CHRNB4: variants seen among roughly 807,000 people sequenced by gnomAD.
CHRNB4 encodes the protein cholinergic receptor nicotinic beta 4 subunit.
In CHRNB4, 23 loss-of-function variants were observed where a neutral mutation model predicts 40.4. The observed-to-expected ratio is 0.57, with a 90% CI of 0.41 to 0.81. The LOEUF (loss-of-function observed/expected upper bound fraction) is 0.81. CHRNB4 is among the 30% of genes least tolerant of loss of function. CHRNB4 has a pLI of 0.00. For synonymous variants in CHRNB4, 285 were observed against 274.4 expected (o/e 1.04, Z -0.38); for missense variants, 568 against 670.6 (o/e 0.85, Z 1.69).
At chr15:78,654,593 C>T (rs530527812) in intron 5 of CHRNB4, among the ~76,000 whole-genome samples, 6 of 152,206 alleles carry the variant, frequency 3.9e-5, no homozygotes, top group Non-Finnish European at 5.9e-5. Flanking sequence ...GAGTATCTTC[C>T]GTGTACGTGC....
At chr15:78,647,861 C>CAAAAAAA (rs146991423) in intron 7 of CHRNB4, among the ~76,000 whole-genome samples, 6 of 39,118 alleles carry the variant, frequency 1.5e-4, no homozygotes, top group East Asian at 8.2e-4. Context: ...GACTCCATCT[C>CAAAAAAA]AAAAAAAAAA....
chr15:78,629,951 C>T lies in CHRNB4; in HGVS notation c.360-6G>A. ...CCTCATAGGTCCCGTCGGCGCTGGG[C>T]AGGGTCAGGGCATGGAGAACATCGT... is the stretch of plus-strand genomic sequence containing the variant. On this transcript the variant is annotated splice_region_variant and splice_polypyrimidine_tract_variant and intron_variant, in intron 4 of 5. Coordinates refer to ENST00000261751, the MANE Select transcript of CHRNB4 (RefSeq NM_000750.5). This position sits in a 1 kb window ranked among gnomAD's most constrained non-coding sequence, Gnocchi z 6.8. 6.4e-7 allele frequency: 1 copy of T among 1,559,426 alleles called. No individual in the cohort carries two copies. The highest frequency in any genetic ancestry group is 8.6e-7 in the Non-Finnish European group (1 of 1,157,514).
intron 5 of CHRNB4, chr15:78,655,399 G>A (rs1030737416): frequency 2.9e-5 from 4 of 138,874 alleles, no homozygotes; most frequent in African/African-American, 3.2e-5. Context: ...GTATATATAC[G>A]TTACATATCT....
chr15:78,639,504 C>T (rs564142262), intron 1 of CHRNB4, among the ~76,000 whole-genome samples: 4 of 152,064 alleles, frequency 2.6e-5, no homozygotes, highest in Non-Finnish European at 4.4e-5. Context: ...TTCACCACAT[C>T]AGCCAGGATG....
intron 7 of CHRNB4, among the ~76,000 whole-genome samples, chr15:78,648,553 A>T (rs1476690531): frequency 6.6e-6 from 1 of 151,728 alleles, no homozygotes; most frequent in African/African-American, 2.4e-5. Context: ...CAAGAGTTCG[A>T]GACCAGCCTG....
chr15:78,651,692 T>C lies in CHRNB4; in HGVS notation c.-16+886A>G, dbSNP rs80263949. 0.011 allele frequency among the ~76,000 whole-genome samples: 1,662 copies of C among 152,286 alleles called. 218 individuals carry two copies. The East Asian group carries it at 0.29, about 26-fold the overall frequency. On this transcript the variant is annotated intron_variant and NMD_transcript_variant, in intron 6 of 11. Transcript: ENST00000559849. ...TTAGCCCATAACTCACATGGTTCTGTTTCTTCCCTGACTGAATCCTGACAC... is the reference window on the plus strand; with the variant it reads ...TTAGCCCATAACTCACATGGTTCTGCTTCTTCCCTGACTGAATCCTGACAC...
At chr15:78,644,910 T>C (rs751406576), upstream of CHRNB4, among the ~76,000 whole-genome samples, 6 of 152,194 alleles carry the variant, frequency 3.9e-5, no homozygotes, top group African/African-American at 1.2e-4. Flanking sequence ...AGGGAGCTGA[T>C]GCTTTTAAGA....
chr15:78,649,452 GT>G (rs755401889), intron 6 of CHRNB4: 1 of 453,102 alleles, frequency 2.2e-6, no homozygotes, highest in South Asian at 1.6e-5. Flanking sequence ...AAGAAGAATG[GT>G]TTTTATAACA....
Position 78,626,787 on chromosome 15 carries a change from C to T in CHRNB4, c.1339-1496G>A, listed in dbSNP as rs2053670223. On this transcript the variant is annotated intron_variant, in intron 5 of 5. Transcript: ENST00000261751. Reference sequence around the variant, plus strand: ...ATGTATGTCAGCTCCCAGCAGAGCACCTGATGTGTGATTGGAGCTTAATGA... The same window carrying T: ...ATGTATGTCAGCTCCCAGCAGAGCATCTGATGTGTGATTGGAGCTTAATGA... 3 of 152,212 alleles carry T rather than the reference C, an allele frequency of 2.0e-5. No individual in the cohort carries two copies. In the South Asian group the frequency reaches 6.2e-4, roughly 32 times the overall value. The allele number at this position is 152,212 out of a possible 1,614,324, so 9.4% of individuals were successfully genotyped here.
intron 1 of CHRNB4, among the ~76,000 whole-genome samples, chr15:78,640,248 A>T (rs2054041027): frequency 6.6e-6 from 1 of 152,132 alleles, no homozygotes; most frequent in Non-Finnish European, 1.5e-5. Context: ...GGCTTGGAGG[A>T]AAAGCCTGGG....
At chr15:78,640,846 C>G (rs1013131449) in intron 1 of CHRNB4, among the ~76,000 whole-genome samples, 2 of 152,200 alleles carry the variant, frequency 1.3e-5, no homozygotes, top group African/African-American at 4.8e-5. Context: ...GCCCTGGCAG[C>G]GGCTCCGAGA....
intron 5 of CHRNB4, chr15:78,625,859 GTCT>G (rs1009066767): frequency 6.6e-6 from 1 of 152,322 alleles, no homozygotes; most frequent in African/African-American, 2.4e-5. Flanking sequence ...GGTCTCTCTG[GTCT>G]TCTTAGATCC....
At chr15:78,649,742 G>C (rs1438341385) in intron 6 of CHRNB4, among the ~76,000 whole-genome samples, 1 of 152,026 alleles carries the variant, frequency 6.6e-6, no homozygotes, top group Admixed American at 6.6e-5. Context: ...GTAAGTAGCA[G>C]AAGAATAAAA....
rs1041239594 is a variant in CHRNB4 at position 78,631,112 on chromosome 15, T to C, written c.323A>G (p.Lys108Arg). The C allele has an allele frequency of 5.0e-6, 8 of 1,614,048 alleles. No individual in the cohort carries two copies. Among genetic ancestry groups the C allele is most frequent in the African/African-American group, 1.3e-5 (1 of 74,926 alleles). The change falls in exon 4 of 6, where the codon AAG becomes AGG. Residue 108 changes from lysine (K) to arginine (R), a missense_variant. By Grantham distance (26) the Lys-to-Arg change is conservative (BLOSUM62 2). This residue lies in a region of CHRNB4 where 161 missense variants were observed against 148.1 expected (regional missense o/e 1.09). Transcript: ENST00000261751. ...EGVNILRIPA[K>R]RIWLPDIVLY... ...CACGATGTCAGGCAACCAGATGCGC[T>C]TTGCAGGGATCCTCAGGATGTTCAC...
intron 3 of CHRNB4, among the ~76,000 whole-genome samples, chr15:78,657,001 TCA>T (rs1216710604): frequency 1.3e-5 from 2 of 151,980 alleles, no homozygotes; most frequent in African/African-American, 4.8e-5. Flanking sequence ...AGAATGAAAC[TCA>T]CAATCTTCCC....
chr15:78,657,035 CT>C (rs146412541), intron 3 of CHRNB4, among the ~76,000 whole-genome samples: 30,881 of 144,518 alleles, frequency 0.21, 3,395 homozygotes, highest in South Asian at 0.38. Context: ...TTCTTTTCTT[CT>C]TTTTTTTTTT....
At chr15:78,652,916 T>C (rs1358150537) in intron 5 of CHRNB4, among the ~76,000 whole-genome samples, 2 of 152,174 alleles carry the variant, frequency 1.3e-5, no homozygotes, top group Admixed American at 6.5e-5. Context: ...TAAAAACTTA[T>C]GGTTGGATTG....
Position 78,631,123 on chromosome 15 carries a change from C to T in CHRNB4, c.312G>A (p.Arg104=). 1.9e-6 allele frequency: 3 copies of T among 1,614,242 alleles called. No individual in the cohort carries two copies. In the African/African-American group the frequency reaches 4.0e-5, roughly 22 times the overall value. Reference sequence around the variant, plus strand: ...GCAACCAGATGCGCTTTGCAGGGATCCTCAGGATGTTCACACCCTCGTAGC... The same window carrying T: ...GCAACCAGATGCGCTTTGCAGGGATTCTCAGGATGTTCACACCCTCGTAGC... ...SSRYEGVNIL[R]IPAKRIWLPD... is the part of the protein sequence containing the mutation. The change falls in exon 4 of 6, where the codon AGG becomes AGA. Residue 104 remains arginine (R), a synonymous_variant. Transcript: ENST00000261751.
intron 2 of CHRNB4, among the ~76,000 whole-genome samples, chr15:78,631,914 C>A (rs1481947410): frequency 6.6e-6 from 1 of 152,190 alleles, no homozygotes; most frequent in East Asian, 1.9e-4. Context: ...CACCACCCCT[C>A]ATCCCATTAG....
Sources: allele counts gnomAD v4.1 joint callset (sites outside exome capture counted in the v4.1 genomes callset), GRCh38; gene constraint gnomAD v4.1.1; regional missense constraint gnomAD v4.1.1; non-coding constraint Gnocchi (gnomAD v3.1); transcripts MANE v1.5; gene names NCBI Gene and HGNC (gene_info 2026-07-23, HGNC 2026-07-21).